The following MGAT5 variants were observed in gnomAD, a reference collection of about 807,000 sequenced individuals.
The protein encoded by MGAT5 is alpha-1,6-mannosylglycoprotein 6-beta-N-acetylglucosaminyltransferase.
Under a neutral mutation model 94.3 loss-of-function variants are expected in MGAT5, and 30 were observed. The observed-to-expected ratio is 0.32, with a 90% CI of 0.24 to 0.43. The LOEUF (loss-of-function observed/expected upper bound fraction) is 0.43. Among genes scored for constraint, MGAT5 ranks in the 20% least tolerant of loss-of-function variants. The pLI is 1.00. For missense variants in MGAT5, 691 were observed against 905.5 expected, an observed-to-expected ratio of 0.76 and a Z score of 3.04; for synonymous variants, 310 against 322.9, an observed-to-expected ratio of 0.96 and a Z score of 0.43.
At chr2:134,314,295 G>A (rs966891388) in intron 2 of MGAT5, among the ~76,000 whole-genome samples, 2 of 152,176 alleles carry the variant, frequency 1.3e-5, no homozygotes, top group Non-Finnish European at 2.9e-5. Flanking sequence ...GAGAAAATTC[G>A]TGTATAAGAA....
At chr2:134,240,633 T>C (rs1681927752) in intron 1 of MGAT5, among the ~76,000 whole-genome samples, 2 of 152,246 alleles carry the variant, frequency 1.3e-5, no homozygotes, top group South Asian at 4.1e-4. Context: ...AATTGAAGTA[T>C]AAATTATTGA....
chr2:134,254,729 T>C (rs960360973), intron 1 of MGAT5, 85 bp downstream of exon 1: 2 of 1,534,370 alleles, frequency 1.3e-6, no homozygotes, highest in Non-Finnish European at 8.8e-7. Flanking sequence ...GGTCTTGTCA[T>C]GGACTGAATG....
At chr2:134,416,525 G>A (rs1285640110) in intron 12 of MGAT5, among the ~76,000 whole-genome samples, 1 of 147,346 alleles carries the variant, frequency 6.8e-6, no homozygotes, top group Admixed American at 6.9e-5. Flanking sequence ...CTGGAGGAGT[G>A]CAATGGTGTG....
intron 2 of MGAT5, among the ~76,000 whole-genome samples, chr2:134,281,995 T>C (rs569694675): frequency 6.6e-6 from 1 of 152,192 alleles, no homozygotes; most frequent in African/African-American, 2.4e-5. Context: ...TTGGCAGAAG[T>C]GCCAGTCATT....
chr2:134,171,590 G>A (rs1688211402), intron 1 of MGAT5, among the ~76,000 whole-genome samples: 1 of 152,134 alleles, frequency 6.6e-6, no homozygotes, highest in Non-Finnish European at 1.5e-5. Context: ...CTATTTTTAA[G>A]TATCTTTTTT....
At chr2:134,330,024 C>T (rs17716157) in intron 4 of MGAT5, among the ~76,000 whole-genome samples, 23,986 of 152,006 alleles carry the variant, frequency 0.16, 2,068 homozygotes, top group Middle Eastern at 0.36. Context: ...TGAGTAACTT[C>T]ACTGGATGTC....
chr2:134,384,286 T>C (rs1375738575), intron 10 of MGAT5, among the ~76,000 whole-genome samples: 1 of 151,656 alleles, frequency 6.6e-6, no homozygotes, highest in Non-Finnish European at 1.5e-5. Flanking sequence ...TTTTTCTCTC[T>C]CTCTCTCCGG....
Position 134,361,446 on chromosome 2 carries a change from G to T in MGAT5, c.1247-829G>T, listed in dbSNP as rs147787032. On this transcript the variant is annotated intron_variant, in intron 9 of 15. Transcript: ENST00000281923. ...GGAGCATCTCTGTTTAATCTAGAGA[G>T]AATTATTTTCTGATTGTCACTTGCT... 3.5e-4 allele frequency among the ~76,000 whole-genome samples: 53 copies of T among 152,348 alleles called. No homozygotes were observed. In the East Asian group the frequency reaches 7.9e-3, roughly 23 times the overall value.
At chr2:134,273,134 G>T (rs371358936) in intron 2 of MGAT5, among the ~76,000 whole-genome samples, 2 of 152,144 alleles carry the variant, frequency 1.3e-5, no homozygotes, top group Non-Finnish European at 2.9e-5. Context: ...CAGAAGGTGG[G>T]GGGGGGTCCT....
At chr2:134,178,382 G>T (rs2105156695) in intron 1 of MGAT5, among the ~76,000 whole-genome samples, 1 of 152,294 alleles carries the variant, frequency 6.6e-6, no homozygotes, top group South Asian at 2.1e-4. Flanking sequence ...GTGGAGGCAG[G>T]GTGGTGGGGG....
At chr2:134,301,817 A>G (rs895626292) in intron 2 of MGAT5, among the ~76,000 whole-genome samples, 1 of 152,060 alleles carries the variant, frequency 6.6e-6, no homozygotes, top group Non-Finnish European at 1.5e-5. Flanking sequence ...ACAAAGCAAC[A>G]CTCATGTCAG....
At chr2:134,121,645 C>T (rs1022086441) in intron 1 of MGAT5, among the ~76,000 whole-genome samples, 1 of 152,210 alleles carries the variant, frequency 6.6e-6, no homozygotes, top group Non-Finnish European at 1.5e-5. Flanking sequence ...ATGAGTACTT[C>T]TGGGTCTGTG....
At position 134,349,979 on chromosome 2, in the gene MGAT5, C is replaced by G. The variant is rs758746640; in HGVS notation, c.1246+41C>G. The G allele has an allele frequency of 5.6e-6, 9 of 1,607,290 alleles. No homozygotes were observed. The African/African-American group carries it at 8.0e-5, about 14-fold the overall frequency. On this transcript the variant is annotated intron_variant, in intron 9 of 15. Transcript: ENST00000281923. ...TCATGTATGCTTTCCAGAATGCCAC[C>G]AAAGATAGATGGGAAAATTAGCCGC...
chr2:134,279,413 A>G (rs1432250920), intron 2 of MGAT5, among the ~76,000 whole-genome samples: 1 of 152,160 alleles, frequency 6.6e-6, no homozygotes, highest in African/African-American at 2.4e-5. Context: ...AAAAAAATTC[A>G]GGCCACCTCC....
intron 2 of MGAT5, among the ~76,000 whole-genome samples, chr2:134,313,381 T>A (rs894335814): frequency 2.6e-5 from 4 of 152,142 alleles, no homozygotes; most frequent in Non-Finnish European, 5.9e-5. Context: ...ACCCACTACA[T>A]CGTATGGGCA....
At chr2:134,278,916 C>T (rs1451583372) in intron 2 of MGAT5, among the ~76,000 whole-genome samples, 2 of 152,182 alleles carry the variant, frequency 1.3e-5, no homozygotes, top group Non-Finnish European at 2.9e-5. Context: ...CCTCACATCC[C>T]AGAGGTTTGT....
chr2:134,320,050 A>C (rs2105908548), intron 4 of MGAT5: 1 of 186,248 alleles, frequency 5.4e-6, no homozygotes, highest in East Asian at 1.5e-4. Flanking sequence ...GGCCAAGAGC[A>C]GGCTCCAGAT....
At chr2:134,238,045 G>A (rs774069498) in intron 1 of MGAT5, among the ~76,000 whole-genome samples, 28 of 151,922 alleles carry the variant, frequency 1.8e-4, no homozygotes, top group African/African-American at 6.3e-4. Flanking sequence ...CACTGCGCCC[G>A]GCCTCCTTTT....
In MGAT5 at chr2:134,262,497, G is replaced by C. The variant is rs182674349; in HGVS notation, c.241+7853G>C. ...GGCCTCAAGTGATCCTCCCATCTCAGCCTCCAGAGTAGCTGGGACTATAGG... is the reference window on the plus strand; with the variant it reads ...GGCCTCAAGTGATCCTCCCATCTCACCCTCCAGAGTAGCTGGGACTATAGG... On this transcript the variant is annotated intron_variant, in intron 1 of 15. Coordinates refer to ENST00000281923, the MANE Select transcript of MGAT5 (RefSeq NM_002410.5). Among the ~76,000 whole-genome samples the C allele has an allele frequency of 4.1e-4, 62 of 152,124 alleles. No homozygotes were observed. In the East Asian group the frequency reaches 9.1e-3, roughly 22 times the overall value.
Sources: gnomAD v4.1 joint callset for allele counts (sites outside exome capture counted in the v4.1 genomes callset) on GRCh38, gnomAD v4.1.1 for gene constraint, MANE v1.5 for transcripts, NCBI Gene and HGNC (gene_info 2026-07-23, HGNC 2026-07-21) for gene names.